The following MAZ variants were observed in gnomAD, a reference collection of about 807,000 sequenced individuals.
MAZ encodes myc-associated zinc finger protein.
Under a neutral mutation model 32.7 loss-of-function variants are expected in MAZ, and 4 were observed. The observed-to-expected ratio is 0.12, with a 90% confidence interval of 0.06 to 0.28. The LOEUF is 0.28. Ranked by LOEUF, MAZ falls within the 10% of genes least tolerant of loss-of-function variation. The probability of loss-of-function intolerance (pLI) is 1.00; values close to 1 mark genes in which losing one functional copy is unlikely to be tolerated. For missense variants in MAZ, 763 were observed against 667.2 expected (o/e 1.14, Z -1.58); for synonymous variants, 510 against 297.6 (o/e 1.71, Z -7.35).
rs748384422 is a variant in MAZ at position 29,807,282 on chromosome 16, C to G, written c.497C>G (p.Ala166Gly). ...IAAAAATAVV[A>G]PTSTVAVAPV... ...GCGGCGGCGGCCACCGCCGTCGTAG[C>G]CCCAACCTCGACGGTCGCCGTGGCC... The change falls in exon 2 of 5, where the codon GCC becomes GGC. Residue 166 changes from alanine to glycine, a missense_variant. Ala to Gly is a moderately conservative substitution (Grantham distance 60). Transcript: ENST00000322945. The G allele has an allele frequency of 7.8e-6, 12 of 1,541,380 alleles. No homozygotes were observed. In the South Asian group the frequency reaches 1.3e-4, roughly 17 times the overall value.
At chr16:29,809,797 G>A (rs964624454) in intron 4 of MAZ, 11 of 1,146,996 alleles carry the variant, frequency 9.6e-6, no homozygotes, top group East Asian at 2.6e-5. Flanking sequence ...GGGGCGGGAT[G>A]GGGGGTGTGG....
chr16:29,808,083 C>A lies in MAZ; in HGVS notation c.1044-147C>A. 3.1e-6 allele frequency: 3 copies of A among 976,416 alleles called. No homozygotes were observed. In the East Asian group the frequency reaches 7.8e-5, roughly 25 times the overall value. The allele number at this position is 976,416 out of a possible 1,614,324, so 60.5% of individuals were successfully genotyped here. On this transcript the variant is annotated intron_variant, in intron 2 of 4. Transcript: ENST00000322945. ...GGCGGCGGCAGCGGCTGCTGGGCTC[C>A]AGGGGAGGGATTTCCTGCTTAAGTG... is the stretch of plus-strand genomic sequence containing the variant.
intron 1 of MAZ, 39 bp downstream of exon 1, chr16:29,806,932 G>A (rs532233987): frequency 4.1e-6 from 5 of 1,217,390 alleles, no homozygotes; most frequent in South Asian, 4.0e-5. Context: ...GCTGGGGGGG[G>A]ACGCCCGCCC....
chr16:29,806,784 T>A lies in MAZ; in HGVS notation c.83T>A (p.Met28Lys). The A allele has an allele frequency of 7.0e-7, 1 of 1,433,548 alleles. No individual in the cohort carries two copies. The highest frequency in any genetic ancestry group is 9.2e-7 in the Non-Finnish European group (1 of 1,086,310). 88.8% of individuals were successfully genotyped at this position (1,433,548 alleles called of 1,614,324 possible). A position where few individuals can be genotyped will look rare whatever the true frequency, so the allele number is the denominator to read the frequency against. ...GACTCCCGGGGGGTGGGCGGCCTCA[T>A]GAACTCCTTCCCGCCACCTCAGGGT... ...GLDSRGVGGL[M>K]NSFPPPQGHA... Residue 28 changes from methionine to lysine, a missense_variant, in exon 1 of 5, where the codon ATG becomes AAG. Met to Lys is a moderately conservative substitution (Grantham distance 95). Transcript: ENST00000322945.
intron 2 of MAZ, 178 bp downstream of exon 2, chr16:29,808,006 T>G: frequency 1.6e-6 from 2 of 1,257,834 alleles, no homozygotes; most frequent in East Asian, 2.5e-5. Context: ...TGGTCCTTTG[T>G]CGAGGAGGTG....
At position 29,807,046 on chromosome 16, in the gene MAZ, G is replaced by C; in HGVS notation, c.261G>C (p.Pro87=). 9.9e-7 allele frequency: 1 copy of C among 1,010,248 alleles called. No individual in the cohort carries two copies. The highest frequency in any genetic ancestry group is 1.2e-6 in the Non-Finnish European group (1 of 850,362). 62.6% of individuals were successfully genotyped at this position (1,010,248 alleles called of 1,614,324 possible). A position where few individuals can be genotyped will look rare whatever the true frequency, so the allele number is the denominator to read the frequency against. Residue 87 remains proline (P), a synonymous_variant, in exon 2 of 5, where the codon CCG becomes CCC. Coordinates refer to ENST00000322945, the MANE Select transcript of MAZ (RefSeq NM_002383.4). ...AGCCCCTCCAGGTGGACTTGCTCCC[G>C]GTGCTCGCCGCCGCCCAGGAGTCCG... ...AAEPLQVDLL[P]VLAAAQESAA... is the part of the protein sequence containing the mutation.
chr16:29,806,487 GCCGCCGCCGTCGCCGCGGCGCT>G, upstream of MAZ: 2 of 285,952 alleles, frequency 7.0e-6, no homozygotes, highest in Non-Finnish European at 9.8e-6. Flanking sequence ...AGGGGGCGTC[GCCGCCGCCGTCGCCGCGGCGCT>G]CCGCGGCCCG....
intron 4 of MAZ, chr16:29,808,958 C>T (rs1052534126): frequency 1.2e-5 from 7 of 576,568 alleles, no homozygotes; most frequent in Middle Eastern, 4.6e-4. Context: ...GAGGTTGAAC[C>T]TCCTGGTAAT....
intron 4 of MAZ, chr16:29,809,193 C>A: frequency 4.0e-6 from 2 of 498,548 alleles, no homozygotes; most frequent in East Asian, 7.2e-5. Flanking sequence ...TGGGTTGAGA[C>A]CGCGGGGCAC....
In MAZ at chr16:29,811,110, TCC is replaced by T; in HGVS notation, c.*880_*881del. 2.2e-6 allele frequency: 1 copy of T among 448,606 alleles called. No homozygotes were observed. The highest frequency in any genetic ancestry group is 4.5e-6 in the Non-Finnish European group (1 of 223,516). 27.8% of individuals were successfully genotyped at this position (448,606 alleles called of 1,614,324 possible). A position where few individuals can be genotyped will look rare whatever the true frequency, so the allele number is the denominator to read the frequency against. On this transcript the variant is annotated 3_prime_UTR_variant, in exon 5 of 5. Transcript: ENST00000322945. ...TGTGTCCCCTGCATGTACCCCACCC[TCC>T]ACCCCTTCCTTTTGCGCGGACCCCA...
intron 4 of MAZ, chr16:29,809,137 C>T (rs1243545151): frequency 6.0e-6 from 3 of 501,118 alleles, no homozygotes; most frequent in Admixed American, 3.8e-5. Context: ...ACGCACCCTG[C>T]ACGGGTAGCA....
At position 29,806,836 on chromosome 16, in the gene MAZ, G is replaced by C; in HGVS notation, c.135G>C (p.Gly45=). The change falls in exon 1 of 5, where the codon GGG becomes GGC. Residue 45 remains glycine (G), a synonymous_variant. Coordinates refer to ENST00000322945, the MANE Select transcript of MAZ (RefSeq NM_002383.4). ...ACGCCCAGAACCCCCTGCAGGTCGG[G>C]GCTGAGCTCCAGTCCCGCTTCTTTG... ...QGHAQNPLQV[G]AELQSRFFAS... 1.4e-6 allele frequency: 2 copies of C among 1,457,598 alleles called. No homozygotes were observed. Among genetic ancestry groups the C allele is most frequent in the Non-Finnish European group, 1.8e-6 (2 of 1,098,308 alleles). The allele number at this position is 1,457,598 out of a possible 1,614,324, so 90.3% of individuals were successfully genotyped here.
intron 3 of MAZ, 40 bp downstream of exon 3, chr16:29,808,333 T>C: frequency 6.3e-7 from 1 of 1,581,680 alleles, no homozygotes; most frequent in Non-Finnish European, 8.7e-7. Context: ...TTTCATGATT[T>C]TGATCCTCAT....
At chr16:29,809,785 G>T in intron 4 of MAZ, 2 of 1,268,506 alleles carry the variant, frequency 1.6e-6, no homozygotes, top group South Asian at 1.6e-5. Flanking sequence ...GGGCATGGCT[G>T]GGGGGCGGGA....
intron 4 of MAZ, 48 bp from the exon 5 acceptor site, chr16:29,810,029 T>C: frequency 3.8e-6 from 6 of 1,574,994 alleles, no homozygotes; most frequent in Non-Finnish European, 5.2e-6. Flanking sequence ...AGGGCAAGGC[T>C]CTTGCCATTC....
In MAZ at chr16:29,807,330, A is replaced by G. The variant is rs1899568897; in HGVS notation, c.545A>G (p.Lys182Arg). Residue 182 changes from lysine to arginine, a missense_variant, in exon 2 of 5, where the codon AAG becomes AGG. Transcript: ENST00000322945. ...GCCCCGGTCGCGTCTGCCTTGGAGAAGAAGACAAAGAGCAAGGGGCCCTAC... is the reference window on the plus strand; with the variant it reads ...GCCCCGGTCGCGTCTGCCTTGGAGAGGAAGACAAAGAGCAAGGGGCCCTAC... ...AVAPVASALE[K>R]KTKSKGPYIC... 4 of 1,610,072 alleles carry G rather than the reference A, an allele frequency of 2.5e-6. No homozygotes were observed. The highest frequency in any genetic ancestry group is 2.5e-6 in the Non-Finnish European group (3 of 1,178,844).
rs1484731612 is a variant in MAZ at position 29,810,565 on chromosome 16, C to G, written c.*334C>G. 1.4e-6 allele frequency: 1 copy of G among 697,238 alleles called. No homozygotes were observed. The highest frequency in any genetic ancestry group is 2.0e-5 in the Admixed American group (1 of 49,804). 43.2% of individuals were successfully genotyped at this position (697,238 alleles called of 1,614,324 possible). A position where few individuals can be genotyped will look rare whatever the true frequency, so the allele number is the denominator to read the frequency against. On this transcript the variant is annotated 3_prime_UTR_variant, in exon 5 of 5. Coordinates refer to ENST00000322945, the MANE Select transcript of MAZ (RefSeq NM_002383.4). Reference sequence around the variant, plus strand: ...AGCCCATGCCCTGTCTTCCCAGGGACTTGTGAGCCTCTTCCCTCGACGGTC... The same window carrying G: ...AGCCCATGCCCTGTCTTCCCAGGGAGTTGTGAGCCTCTTCCCTCGACGGTC...
At chr16:29,809,389 C>G in intron 4 of MAZ, 1 of 629,330 alleles carries the variant, frequency 1.6e-6, no homozygotes, top group Non-Finnish European at 2.9e-6. Context: ...TCTACCAGCC[C>G]CAACAGAGCA....
intron 2 of MAZ, 124 bp from the exon 3 acceptor site, chr16:29,808,106 G>C: frequency 9.8e-7 from 1 of 1,015,768 alleles, no homozygotes; most frequent in Non-Finnish European, 1.5e-6. Flanking sequence ...TCCTGCTTAA[G>C]TGTCGCTGTG....
Sources: allele counts gnomAD v4.1 joint callset, GRCh38; gene constraint gnomAD v4.1.1; transcripts MANE v1.5; gene names NCBI Gene and HGNC (gene_info 2026-07-23, HGNC 2026-07-21).